The following RCL1 variants were observed in gnomAD, a reference collection of about 807,000 sequenced individuals.
RCL1 encodes the protein RNA 3'-terminal phosphate cyclase-like protein.
RCL1 carries 24 observed loss-of-function variants against 42.4 expected under a neutral mutation model. That is an observed-to-expected ratio of 0.57 (90% CI 0.41 to 0.80). The LOEUF (loss-of-function observed/expected upper bound fraction) is 0.80, where lower values mean the gene tolerates loss of function less well. Among genes scored for constraint, RCL1 ranks in the 30% least tolerant of loss-of-function variants. RCL1 has a pLI of 0.00. For synonymous variants in RCL1, 228 were observed against 177.3 expected (o/e 1.29, Z -2.27); for missense variants, 578 against 467.9 (o/e 1.24, Z -2.17).
intron 1 of RCL1, among the ~76,000 whole-genome samples, chr9:4,806,038 G>GTGTT (rs1554636248): frequency 8.9e-5 from 12 of 135,050 alleles, no homozygotes; most frequent in African/African-American, 2.9e-4. Context: ...GTGTGTGTGT[G>GTGTT]TGTGTGTTTG....
chr9:4,793,519 G>T (rs567173251), intron 1 of RCL1, among the ~76,000 whole-genome samples: 19 of 152,348 alleles, frequency 1.2e-4, no homozygotes, highest in South Asian at 2.1e-4. Flanking sequence ...CCCTGGCGTC[G>T]CCCCTTCGCG....
In RCL1 at chr9:4,793,161, A is replaced by G; in HGVS notation, c.70A>G (p.Thr24Ala). 2 of 1,611,722 alleles carry G rather than the reference A, an allele frequency of 1.2e-6. No individual in the cohort carries two copies. Among genetic ancestry groups the G allele is most frequent in the East Asian group, 2.2e-5 (1 of 44,730 alleles). Residue 24 changes from threonine (T) to alanine (A), a missense_variant, in exon 1 of 9, where the codon ACC becomes GCC. Physicochemically the swap from Thr to Ala is moderately conservative, Grantham distance 58. Transcript: ENST00000381750. ...NFLRQRLVLS[T>A]LSGRPVKIRK... is the part of the protein sequence containing the mutation. ...CTTGCGCCAACGTCTGGTCCTGTCT[A>G]CCCTGAGCGGGCGCCCCGTCAAAAT...
At chr9:4,803,112 G>C (rs60283744) in intron 1 of RCL1, among the ~76,000 whole-genome samples, 1,527 of 151,696 alleles carry the variant, frequency 0.01, 31 homozygotes, top group African/African-American at 0.032. Context: ...CTCCCAAAGC[G>C]TCAGAATTAC....
At chr9:4,836,413 C>T (rs557956386) in intron 5 of RCL1, among the ~76,000 whole-genome samples, 1 of 152,288 alleles carries the variant, frequency 6.6e-6, no homozygotes, top group African/African-American at 2.4e-5. Flanking sequence ...GAAACTTTAA[C>T]AGGCTTAAAG....
chr9:4,811,691 G>C (rs145718581), intron 1 of RCL1, among the ~76,000 whole-genome samples: 14 of 152,116 alleles, frequency 9.2e-5, no homozygotes, highest in African/African-American at 3.4e-4. Flanking sequence ...CATTGACATT[G>C]ATTTCTTTCC....
At chr9:4,829,714 G>A (rs1246233519) in intron 3 of RCL1, among the ~76,000 whole-genome samples, 2 of 152,180 alleles carry the variant, frequency 1.3e-5, no homozygotes, top group African/African-American at 4.8e-5. Context: ...GGTGGCGGTG[G>A]TGGTGGTTGT....
intron 5 of RCL1, 117 bp from the exon 6 acceptor site, chr9:4,841,115 A>G (rs2129664906): frequency 9.2e-7 from 1 of 1,084,952 alleles, no homozygotes; most frequent in Non-Finnish European, 1.4e-6. Context: ...TTGGAAAACA[A>G]TAGATTTGGA....
intron 1 of RCL1, among the ~76,000 whole-genome samples, chr9:4,819,519 T>C (rs1338405382): frequency 6.6e-6 from 1 of 152,196 alleles, no homozygotes; most frequent in African/African-American, 2.4e-5. Context: ...TATCTGGTGA[T>C]GGTACATTAA....
At chr9:4,828,925 A>G (rs1816861272) in intron 3 of RCL1, among the ~76,000 whole-genome samples, 1 of 152,206 alleles carries the variant, frequency 6.6e-6, no homozygotes, top group Non-Finnish European at 1.5e-5. Flanking sequence ...GGGTAAAATA[A>G]ATATACTTAA....
intron 1 of RCL1, among the ~76,000 whole-genome samples, chr9:4,819,826 C>T (rs1279194115): frequency 1.3e-5 from 2 of 152,076 alleles, no homozygotes; most frequent in African/African-American, 4.8e-5. Flanking sequence ...CAAAACAAAA[C>T]ACAGACTTTA....
chr9:4,844,171 G>T (rs1232568971), intron 6 of RCL1, among the ~76,000 whole-genome samples: 1 of 152,184 alleles, frequency 6.6e-6, no homozygotes, highest in Non-Finnish European at 1.5e-5. Flanking sequence ...TATTGTGTGA[G>T]CGTGTGTTGA....
chr9:4,838,332 A>G (rs1027160551), intron 5 of RCL1, among the ~76,000 whole-genome samples: 1 of 152,224 alleles, frequency 6.6e-6, no homozygotes, highest in Admixed American at 6.5e-5. Flanking sequence ...AGCTGTGACT[A>G]CACAGTAGTT....
At chr9:4,832,043 A>G (rs892780637) in intron 3 of RCL1, among the ~76,000 whole-genome samples, 3 of 152,168 alleles carry the variant, frequency 2.0e-5, no homozygotes, top group African/African-American at 7.2e-5. Context: ...GGGAACAAGT[A>G]ATGGAGTAAT....
At chr9:4,798,797 C>G (rs142919184) in intron 1 of RCL1, among the ~76,000 whole-genome samples, 2 of 151,864 alleles carry the variant, frequency 1.3e-5, no homozygotes, top group East Asian at 3.9e-4. Flanking sequence ...TCCTGTTAAT[C>G]AGGAACATAC....
intron 3 of RCL1, among the ~76,000 whole-genome samples, chr9:4,827,730 A>AAG (rs1816806925): frequency 1.6e-5 from 1 of 62,442 alleles, no homozygotes; most frequent in African/African-American, 5.9e-5. Context: ...TTCTAGGATG[A>AAG]AGTGTGTGTG....
chr9:4,827,913 G>T (rs202170302), intron 3 of RCL1, among the ~76,000 whole-genome samples: 1 of 152,072 alleles, frequency 6.6e-6, no homozygotes, highest in Non-Finnish European at 1.5e-5. Flanking sequence ...CCGGCCGGGC[G>T]CAGTGGCTTA....
chr9:4,802,790 G>A (rs1181609442), intron 1 of RCL1, among the ~76,000 whole-genome samples: 3 of 152,132 alleles, frequency 2.0e-5, no homozygotes, highest in East Asian at 3.8e-4. Flanking sequence ...AAACCACAGT[G>A]CATAACAAAC....
intron 4 of RCL1, 38 bp from the exon 5 acceptor site, chr9:4,834,103 G>C (rs1453958402): frequency 6.2e-7 from 1 of 1,600,474 alleles, no homozygotes; most frequent in East Asian, 2.3e-5. Flanking sequence ...CCATTGCTTT[G>C]CTGCATCCTC....
chr9:4,837,781 C>T (rs778447758), intron 5 of RCL1, among the ~76,000 whole-genome samples: 1 of 152,304 alleles, frequency 6.6e-6, no homozygotes, highest in Middle Eastern at 3.4e-3. Flanking sequence ...GTTCTTGGAA[C>T]CTTCCCTGTG....
Sources: allele counts gnomAD v4.1 joint callset (sites outside exome capture counted in the v4.1 genomes callset), GRCh38; gene constraint gnomAD v4.1.1; transcripts MANE v1.5; gene names NCBI Gene and HGNC (gene_info 2026-07-23, HGNC 2026-07-21).